EXOC4: variants seen among roughly 807,000 people sequenced by gnomAD.
EXOC4 encodes the protein exocyst complex component 4, also known as SEC8-like 1.
Under a neutral mutation model 107.2 loss-of-function variants are expected in EXOC4, and 71 were observed. The ratio of observed to expected loss-of-function variants is 0.66; its 90% CI spans 0.55 to 0.81. The LOEUF is 0.81. Ranked by LOEUF, EXOC4 falls within the 30% of genes least tolerant of loss-of-function variation. EXOC4 has a pLI of 0.00. For missense variants in EXOC4, 1,108 were observed against 1,189.6 expected, an observed-to-expected ratio of 0.93 and a Z score of 1.01; for synonymous variants, 456 against 441.2, an observed-to-expected ratio of 1.03 and a Z score of -0.42.
At chr7:133,837,349 T>C (rs1797939193) in intron 11 of EXOC4, among the ~76,000 whole-genome samples, 1 of 152,200 alleles carries the variant, frequency 6.6e-6, no homozygotes, top group East Asian at 1.9e-4. Flanking sequence ...ATTGGACCTC[T>C]TCTGCATTTT....
At chr7:133,427,060 G>GT (rs201219233) in intron 7 of EXOC4, among the ~76,000 whole-genome samples, 1,676 of 150,998 alleles carry the variant, frequency 0.011, 9 homozygotes, top group East Asian at 0.04. Context: ...CATATGTGTG[G>GT]TTTTTTTTTG....
chr7:133,450,633 T>C (rs190822819), intron 7 of EXOC4, among the ~76,000 whole-genome samples: 28 of 152,370 alleles, frequency 1.8e-4, no homozygotes, highest in Admixed American at 1.6e-3. Context: ...TTCTGAGTTT[T>C]ACTGCTAGTA....
chr7:134,080,900 C>T, the EXOC4 span, among the ~76,000 whole-genome samples: 1,185 of 152,104 alleles, frequency 7.8e-3, 21 homozygotes, highest in African/African-American at 0.028. Flanking sequence ...GAGCTATGAT[C>T]GTGCTACTGC....
At chr7:133,320,855 A>C (rs966764336) in intron 5 of EXOC4, among the ~76,000 whole-genome samples, 1 of 152,220 alleles carries the variant, frequency 6.6e-6, no homozygotes, top group Admixed American at 6.5e-5. Context: ...ACAAAATGTT[A>C]CTAAGTACAT....
chr7:133,592,083 C>G (rs745959663), intron 9 of EXOC4, among the ~76,000 whole-genome samples: 1 of 151,956 alleles, frequency 6.6e-6, no homozygotes, highest in African/African-American at 2.4e-5. Context: ...TTTTTTGAGA[C>G]AGAGTCTTTG....
intron 10 of EXOC4, among the ~76,000 whole-genome samples, chr7:133,802,369 A>G (rs1585156550): frequency 6.6e-6 from 1 of 152,358 alleles, no homozygotes; most frequent in East Asian, 1.9e-4. Context: ...ATAATCATGC[A>G]TCCACTTGAC....
chr7:133,445,827 C>T (rs965140145), intron 7 of EXOC4, among the ~76,000 whole-genome samples: 13 of 151,864 alleles, frequency 8.6e-5, no homozygotes, highest in African/African-American at 4.8e-5. Flanking sequence ...GCCTGGGCAA[C>T]ATAGCAAGAC....
At position 133,289,136 on chromosome 7, in the gene EXOC4, T is replaced by G; in HGVS notation, c.471+20T>G. 1 of 1,607,240 alleles carries G rather than the reference T, an allele frequency of 6.2e-7. No homozygotes were observed. The highest frequency in any genetic ancestry group is 8.5e-7 in the Non-Finnish European group (1 of 1,174,818). ...ATGTTGGTAAGAGAACAGCCTGTGC[T>G]AAGGGTCATTTTTGTTAAGATGTAA... is the stretch of plus-strand genomic sequence containing the variant. On this transcript the variant is annotated intron_variant, in intron 3 of 17. Transcript: ENST00000253861.
chr7:133,931,516 T>C (rs1800174813), intron 13 of EXOC4, among the ~76,000 whole-genome samples: 1 of 152,180 alleles, frequency 6.6e-6, no homozygotes, highest in South Asian at 2.1e-4. Context: ...GAATATATTG[T>C]TAATAATATA....
rs762730898 is a variant in EXOC4 at position 134,064,380 on chromosome 7, T to A, written c.2777T>A (p.Ile926Asn). 2.5e-6 allele frequency: 4 copies of A among 1,592,574 alleles called. No individual in the cohort carries two copies. The highest frequency in any genetic ancestry group is 3.5e-5 in the Admixed American group (2 of 57,362). Residue 926 changes from isoleucine (I) to asparagine (N), a missense_variant, in exon 18 of 18, where the codon ATC (isoleucine) becomes AAC (asparagine). By Grantham distance (149) the Ile-to-Asn change is moderately radical (BLOSUM62 -3). Coordinates refer to ENST00000253861, the MANE Select transcript of EXOC4 (RefSeq NM_021807.4). ...GTGAAGTACACGGAGCTGGAGTACA[T>A]CCACGCTCTGACCCTGCTGCACCGC... Reference protein sequence around the residue: ...QGVKYTELEYIHALTLLHRSQ... With the variant: ...QGVKYTELEYNHALTLLHRSQ...
chr7:133,966,509 T>C (rs1000189356), intron 14 of EXOC4, among the ~76,000 whole-genome samples: 1 of 152,216 alleles, frequency 6.6e-6, no homozygotes, highest in Non-Finnish European at 1.5e-5. Flanking sequence ...CATCAGTACC[T>C]AGTTTATTGA....
intron 9 of EXOC4, among the ~76,000 whole-genome samples, chr7:133,573,935 G>C (rs903024485): frequency 1.3e-5 from 2 of 152,190 alleles, no homozygotes; most frequent in Admixed American, 1.3e-4. Flanking sequence ...ACTGTGTAGA[G>C]AGATTCTTCA....
chr7:133,473,354 T>C (rs1234083236), intron 7 of EXOC4, among the ~76,000 whole-genome samples: 1 of 152,210 alleles, frequency 6.6e-6, no homozygotes, highest in Non-Finnish European at 1.5e-5. Context: ...TTTACCAGTC[T>C]GTTGACATGT....
At chr7:133,469,908 G>A (rs1798829901) in intron 7 of EXOC4, among the ~76,000 whole-genome samples, 1 of 152,098 alleles carries the variant, frequency 6.6e-6, no homozygotes, top group African/African-American at 2.4e-5. Context: ...CCTTTACATG[G>A]CCAGTAGAGA....
At chr7:133,847,735 T>C (rs1798160546) in intron 11 of EXOC4, among the ~76,000 whole-genome samples, 1 of 150,860 alleles carries the variant, frequency 6.6e-6, no homozygotes, top group Admixed American at 6.6e-5. Context: ...GGGGACGGAG[T>C]CTCGCTCTTG....
chr7:133,436,528 C>T (rs1797979386), intron 7 of EXOC4, among the ~76,000 whole-genome samples: 1 of 151,122 alleles, frequency 6.6e-6, no homozygotes, highest in African/African-American at 2.4e-5. Flanking sequence ...TAATATTATC[C>T]ATATCTTATG....
chr7:134,056,197 C>G (rs1196165695), intron 17 of EXOC4, among the ~76,000 whole-genome samples: 1 of 152,066 alleles, frequency 6.6e-6, no homozygotes, highest in Non-Finnish European at 1.5e-5. Context: ...CTTTAAAAAT[C>G]AGAAAGACTC....
intron 7 of EXOC4, among the ~76,000 whole-genome samples, chr7:133,457,582 A>G (rs1474216378): frequency 2.0e-5 from 3 of 152,154 alleles, no homozygotes; most frequent in African/African-American, 7.2e-5. Context: ...AATCAGATTT[A>G]AAACTCTGAA....
intron 5 of EXOC4, among the ~76,000 whole-genome samples, chr7:133,323,153 G>T (rs554192409): frequency 1.3e-5 from 2 of 152,246 alleles, no homozygotes; most frequent in African/African-American, 4.8e-5. Context: ...CATGTCATCT[G>T]CAAACAGAGA....
Sources: gnomAD v4.1 joint callset for allele counts (sites outside exome capture counted in the v4.1 genomes callset) on GRCh38, gnomAD v4.1.1 for gene constraint, MANE v1.5 for transcripts, NCBI Gene and HGNC (gene_info 2026-07-23, HGNC 2026-07-21) for gene names.